The following PRKDC variants were observed in gnomAD, a reference collection of about 807,000 sequenced individuals.
PRKDC encodes protein kinase, DNA-activated, catalytic subunit.
In PRKDC, 82 loss-of-function variants were observed where a neutral mutation model predicts 486.9. The observed-to-expected ratio is 0.17, with a 90% CI of 0.14 to 0.20. The LOEUF is 0.20. Among genes scored for constraint, PRKDC ranks in the 10% least tolerant of loss-of-function variants. The probability of loss-of-function intolerance (pLI) is 1.00; values close to 1 mark genes in which losing one functional copy is unlikely to be tolerated. For missense variants in PRKDC, 4,504 were observed against 5,038.2 expected (o/e 0.89, Z 3.21); for synonymous variants, 1,895 against 1,837.0 (o/e 1.03, Z -0.81).
At chr8:47,904,266 T>G (rs8178067) in intron 26 of PRKDC, among the ~76,000 whole-genome samples, 4 of 152,190 alleles carry the variant, frequency 2.6e-5, no homozygotes, top group African/African-American at 9.6e-5. Flanking sequence ...TCTTATTCTT[T>G]GTTTTTGAGA....
At chr8:47,888,424 AATAC>A in intron 34 of PRKDC, 90 bp downstream of exon 34, 1 of 1,127,530 alleles carries the variant, frequency 8.9e-7, no homozygotes, top group South Asian at 2.7e-5. Flanking sequence ...CAGCATGCTC[AATAC>A]ATAAAGGACT....
chr8:47,778,346 C>T (rs933883175), intron 83 of PRKDC, 113 bp downstream of exon 83: 92 of 1,173,504 alleles, frequency 7.8e-5, no homozygotes, highest in East Asian at 2.0e-4. Context: ...CATGACAAAA[C>T]GAATCTAACT....
rs781208188 is a variant in PRKDC at position 47,839,141 on chromosome 8, C to T, written c.7553+7G>A. ...ATTTAATTGTCCCAGCCCAGTTATT[C>T]ACGTACTGAAGTCCAGGGTTCTCAT... On this transcript the variant is annotated splice_region_variant and intron_variant, in intron 56 of 85. Transcript: ENST00000314191. 3 of 1,602,484 alleles carry T rather than the reference C, an allele frequency of 1.9e-6. No homozygotes were observed. The highest frequency in any genetic ancestry group is 1.7e-6 in the Non-Finnish European group (2 of 1,169,578).
Position 47,798,374 on chromosome 8 carries a change from C to T in PRKDC, c.10321G>A (p.Ala3441Thr). 1 of 1,606,394 alleles carries T rather than the reference C, an allele frequency of 6.2e-7. No individual in the cohort carries two copies. Among genetic ancestry groups the T allele is most frequent in the Non-Finnish European group, 8.5e-7 (1 of 1,176,730 alleles). The change falls in exon 73 of 86, where the codon GCG (alanine) becomes ACG (threonine). Residue 3441 changes from alanine (A) to threonine (T), a missense_variant. By Grantham distance (58) the Ala-to-Thr change is moderately conservative. Coordinates refer to ENST00000314191, the MANE Select transcript of PRKDC (RefSeq NM_006904.7). ...TTCTCCACCACAAGTGCTGGATACGCCTGCAGTTCTGCAGAATCAATAACT... is the reference window on the plus strand; with the variant it reads ...TTCTCCACCACAAGTGCTGGATACGTCTGCAGTTCTGCAGAATCAATAACT... ...ASVIDSAELQ[A>T]YPALVVEKML... is the part of the protein sequence containing the mutation.
chr8:47,888,480 A>C, intron 34 of PRKDC, 38 bp downstream of exon 34: 3 of 1,466,426 alleles, frequency 2.0e-6, no homozygotes, highest in Non-Finnish European at 1.8e-6. Flanking sequence ...TATCATACTA[A>C]AGCTAAAATA....
intron 38 of PRKDC, 105 bp downstream of exon 38, chr8:47,881,311 A>G: frequency 1.4e-6 from 1 of 708,500 alleles, no homozygotes; most frequent in Non-Finnish European, 2.4e-6. Flanking sequence ...CCTACATTTG[A>G]ACACGTTTGA....
In PRKDC at chr8:47,774,074, T is replaced by TA. The variant is rs2086563218; in HGVS notation, c.*98dup. 1 of 1,217,178 alleles carries TA rather than the reference T, an allele frequency of 8.2e-7. No individual in the cohort carries two copies. The highest frequency in any genetic ancestry group is 1.6e-5 in the South Asian group (1 of 61,254). 75.4% of individuals were successfully genotyped at this position (1,217,178 alleles called of 1,614,324 possible). ...CTGTAGCACAAAAGACATTTCTCTT[T>TA]AGTGTTTCAGGAAAATCAGCTCATG... On this transcript the variant is annotated 3_prime_UTR_variant, in exon 86 of 86. Transcript: ENST00000314191.
rs373169292 is a variant in PRKDC at position 47,778,788 on chromosome 8, C to T, written c.11591G>A (p.Arg3864His). The change falls in exon 82 of 86, where the codon CGT becomes CAT. Residue 3864 changes from arginine to histidine, a missense_variant. This residue lies in a region of PRKDC where 706 missense variants were observed against 945.0 expected (regional missense o/e 0.75). Transcript: ENST00000314191. ...AYMLMYKGAN[R>H]TETVTSFRKR... Reference sequence around the variant, plus strand: ...TCTAAAAGACGTGACTGTTTCAGTACGATTAGCGCCCCTATGATTTAATAA... The same window carrying T: ...TCTAAAAGACGTGACTGTTTCAGTATGATTAGCGCCCCTATGATTTAATAA... The T allele has an allele frequency of 7.3e-5, 118 of 1,613,330 alleles. 3 individuals are homozygous for T. In the South Asian group the frequency reaches 8.7e-4, roughly 12 times the overall value.
intron 13 of PRKDC, among the ~76,000 whole-genome samples, chr8:47,935,371 G>A (rs1299380437): frequency 1.3e-5 from 2 of 152,010 alleles, no homozygotes; most frequent in East Asian, 1.9e-4. Flanking sequence ...ATGGTGGCGG[G>A]CGCCTGTAGT....
At chr8:47,928,048 A>G (rs2154503449) in intron 19 of PRKDC, among the ~76,000 whole-genome samples, 158 bp from the exon 20 acceptor site, 1 of 152,338 alleles carries the variant, frequency 6.6e-6, no homozygotes, top group Admixed American at 6.5e-5. Flanking sequence ...CCTCCAGGAA[A>G]GTTAATTTGT....
At chr8:47,879,715 GAATA>G in intron 38 of PRKDC, 57 bp from the exon 39 acceptor site, 3 of 1,353,418 alleles carry the variant, frequency 2.2e-6, no homozygotes, top group Non-Finnish European at 2.9e-6. Flanking sequence ...ATATCCTACA[GAATA>G]AATAAAATTA....
chr8:47,802,557 G>A (rs188639691), intron 70 of PRKDC, among the ~76,000 whole-genome samples: 10 of 147,810 alleles, frequency 6.8e-5, no homozygotes, highest in East Asian at 4.0e-4. Context: ...ATTTTGGCTC[G>A]CTGCAACCTC....
rs370152078 is a variant in PRKDC, at chr8:47,914,445, T to TAA, written c.2618-383_2618-382dup. 1.8e-4 allele frequency among the ~76,000 whole-genome samples: 28 copies of TAA among 152,280 alleles called. 1 individual carries two copies. Among genetic ancestry groups the TAA allele is most frequent in the African/African-American group, 6.5e-4 (27 of 41,552 alleles). The stretch of plus-strand genomic sequence containing the variant: ...AATAACCAAAAGTCACTGGTATATT[T>TAA]AACACCAAATTTCAAAAGTAAAAAT... On this transcript the variant is annotated intron_variant, in intron 23 of 85. Transcript: ENST00000314191.
At chr8:47,935,177 T>A in intron 13 of PRKDC, 119 bp from the exon 14 acceptor site, 1 of 726,810 alleles carries the variant, frequency 1.4e-6, no homozygotes, top group Admixed American at 3.1e-5. Context: ...CAATTTATTT[T>A]CTAAGTTCAT....
chr8:47,843,691 C>T (rs561216241), intron 54 of PRKDC, among the ~76,000 whole-genome samples: 4 of 152,292 alleles, frequency 2.6e-5, no homozygotes, highest in South Asian at 4.1e-4. Context: ...AGGCTACCAG[C>T]GGGCCTCTCA....
intron 30 of PRKDC, among the ~76,000 whole-genome samples, chr8:47,893,844 T>C (rs1366970780): frequency 6.6e-6 from 1 of 152,250 alleles, no homozygotes; most frequent in Middle Eastern, 3.2e-3. Flanking sequence ...GGAAATTTTC[T>C]TTTAAATATT....
intron 4 of PRKDC, among the ~76,000 whole-genome samples, chr8:47,955,487 A>G (rs1287380057): frequency 6.7e-6 from 1 of 150,048 alleles, no homozygotes; most frequent in Non-Finnish European, 1.5e-5. Flanking sequence ...AAAAAAAAAA[A>G]GAAAACATAT....
At chr8:47,864,412 A>C (rs1407694921) in intron 41 of PRKDC, 144 bp downstream of exon 41, 2 of 706,044 alleles carry the variant, frequency 2.8e-6, no homozygotes, top group Non-Finnish European at 2.2e-6. Context: ...ACAGGAAATA[A>C]AGGCAGATCC....
At chr8:47,861,942 G>A in intron 44 of PRKDC, 120 bp downstream of exon 44, 1 of 758,106 alleles carries the variant, frequency 1.3e-6, no homozygotes, top group Non-Finnish European at 2.1e-6. Flanking sequence ...GAAACCACAT[G>A]AAACCACCAG....
Sources: allele counts gnomAD v4.1 joint callset (sites outside exome capture counted in the v4.1 genomes callset), GRCh38; gene constraint gnomAD v4.1.1; regional missense constraint gnomAD v4.1.1; transcripts MANE v1.5; gene names NCBI Gene and HGNC (gene_info 2026-07-23, HGNC 2026-07-21).